Variants in KLHL7 observed in about 807,000 individuals in gnomAD.
KLHL7 encodes kelch like family member 7.
A neutral mutation model predicts 67.4 loss-of-function variants in KLHL7; 44 were observed. The observed-to-expected ratio is 0.65, with a 90% CI of 0.51 to 0.84. KLHL7 has a LOEUF of 0.84. Ranked by LOEUF, KLHL7 falls within the 40% of genes least tolerant of loss-of-function variation. The probability of loss-of-function intolerance (pLI) is 0.00; values close to 1 mark genes in which losing one functional copy is unlikely to be tolerated. For synonymous variants in KLHL7, 252 were observed against 243.3 expected (o/e 1.04, Z -0.33); for missense variants, 362 against 718.1 (o/e 0.50, Z 5.67).
In KLHL7 at chr7:23,165,610, TTA is replaced by T. The variant is rs1023450832; in HGVS notation, c.937-84_937-83del. The T allele has an allele frequency of 3.2e-5, 44 of 1,367,610 alleles. No individual in the cohort carries two copies. The African/African-American group carries it at 5.4e-4, about 17-fold the overall frequency. 84.7% of individuals were successfully genotyped at this position (1,367,610 alleles called of 1,614,324 possible). On this transcript the variant is annotated intron_variant, in intron 7 of 10. Transcript: ENST00000339077. ...TGTAGTCTAATAAATTAACATATTC[TTA>T]TATGTTTTTTGACTGTATCTTTGCA...
At chr7:23,146,917 T>C (rs1174338422) in intron 6 of KLHL7, among the ~76,000 whole-genome samples, 1 of 152,154 alleles carries the variant, frequency 6.6e-6, no homozygotes, top group Non-Finnish European at 1.5e-5. Context: ...TTCTACTTCA[T>C]TCTAATACCT....
At position 23,177,366 on chromosome 7, in the gene KLHL7, T is replaced by C. The variant is rs1785313639; in HGVS notation, c.*3068T>C. The C allele has an allele frequency of 6.6e-6, 1 of 152,216 alleles. No homozygotes were observed. The highest frequency in any genetic ancestry group is 6.5e-5 in the Admixed American group (1 of 15,288). 9.4% of individuals were successfully genotyped at this position (152,216 alleles called of 1,614,324 possible). On this transcript the variant is annotated 3_prime_UTR_variant, in exon 11 of 11. Transcript: ENST00000339077. ...AAGATATTTTAAGTACACCAGCATT[T>C]CCTTTTAGGCTATGTCAATTGACTA...
rs767577357 is a variant in KLHL7 at position 23,165,901 on chromosome 7, A to G, written c.1140A>G (p.Ala380=). The G allele has an allele frequency of 6.2e-7, 1 of 1,614,216 alleles. No individual in the cohort carries two copies. The highest frequency in any genetic ancestry group is 1.7e-5 in the Admixed American group (1 of 60,036). ...TPRDSLAACA[A]EGKIYTSGGS... ...GAGACAGCCTTGCTGCATGTGCTGC[A>G]GAAGGCAAAATTTATACATCTGGAG... Residue 380 remains alanine, a synonymous_variant, in exon 8 of 11, where the codon GCA becomes GCG. Coordinates refer to ENST00000339077, the MANE Select transcript of KLHL7 (RefSeq NM_001031710.3).
chr7:23,162,311 A>C (rs1392847133), intron 7 of KLHL7, among the ~76,000 whole-genome samples: 1 of 152,218 alleles, frequency 6.6e-6, no homozygotes, highest in African/African-American at 2.4e-5. Context: ...ATATTACCTT[A>C]TAGAGTTATT....
chr7:23,166,104 G>A (rs143223835), intron 8 of KLHL7, among the ~76,000 whole-genome samples, 166 bp downstream of exon 8: 10 of 152,190 alleles, frequency 6.6e-5, no homozygotes, highest in South Asian at 6.2e-4. Context: ...GGTTTATGTC[G>A]TTGCTTTACA....
intron 6 of KLHL7, 23 bp from the exon 7 acceptor site, chr7:23,152,044 C>G: frequency 6.2e-7 from 1 of 1,613,104 alleles, no homozygotes; most frequent in Non-Finnish European, 8.5e-7. Context: ...GTTCTTGAAG[C>G]GTTGCCATGT....
intron 6 of KLHL7, among the ~76,000 whole-genome samples, chr7:23,147,545 C>T (rs1471289974): frequency 2.0e-5 from 3 of 152,150 alleles, no homozygotes; most frequent in African/African-American, 7.2e-5. Context: ...GTTCTATTGA[C>T]TTATTTCTGG....
chr7:23,125,962 A>G (rs1368963774), intron 4 of KLHL7: 2 of 904,164 alleles, frequency 2.2e-6, no homozygotes, highest in East Asian at 2.6e-5. Context: ...TTTTTATGAT[A>G]CATACATGCC....
At chr7:23,112,061 G>A (rs1456145924) in intron 1 of KLHL7, among the ~76,000 whole-genome samples, 1 of 152,184 alleles carries the variant, frequency 6.6e-6, no homozygotes, top group African/African-American at 2.4e-5. Context: ...ATATGTGGTT[G>A]TGATAACTAA....
chr7:23,111,580 G>A (rs1782871720), intron 1 of KLHL7, among the ~76,000 whole-genome samples: 2 of 152,092 alleles, frequency 1.3e-5, no homozygotes, highest in Non-Finnish European at 2.9e-5. Context: ...CAGCACTTTG[G>A]GAGGCTGAGA....
chr7:23,131,209 T>A (rs1472422475), intron 4 of KLHL7, among the ~76,000 whole-genome samples: 1 of 152,204 alleles, frequency 6.6e-6, no homozygotes, highest in Non-Finnish European at 1.5e-5. Flanking sequence ...TCGACTGTCT[T>A]CCATGGCATA....
At chr7:23,121,285 C>A (rs1037189270) in intron 1 of KLHL7, among the ~76,000 whole-genome samples, 1 of 152,050 alleles carries the variant, frequency 6.6e-6, no homozygotes, top group East Asian at 1.9e-4. Flanking sequence ...GTGCATAGTG[C>A]TGCAGTAAAC....
chr7:23,124,416 A>G (rs1448022667), intron 2 of KLHL7, among the ~76,000 whole-genome samples: 2 of 131,978 alleles, frequency 1.5e-5, no homozygotes, highest in Non-Finnish European at 3.0e-5. Flanking sequence ...TGAGCTTGGG[A>G]AAAAAACAAA....
At chr7:23,160,000 A>G (rs1784814496) in intron 7 of KLHL7, among the ~76,000 whole-genome samples, 1 of 152,292 alleles carries the variant, frequency 6.6e-6, no homozygotes, top group Admixed American at 6.5e-5. Context: ...ATATTTAAAT[A>G]CAAAAATGCT....
intron 7 of KLHL7, among the ~76,000 whole-genome samples, chr7:23,159,448 T>G (rs1784800251): frequency 6.6e-6 from 1 of 152,154 alleles, no homozygotes. Flanking sequence ...GGGATAAAAG[T>G]ACCTGAACCA....
At chr7:23,149,080 C>T (rs1362066431) in intron 6 of KLHL7, among the ~76,000 whole-genome samples, 1 of 152,052 alleles carries the variant, frequency 6.6e-6, no homozygotes, top group South Asian at 2.1e-4. Context: ...TAACATAAAA[C>T]TAAGCTTAAA....
rs190877977 is a variant in KLHL7 at position 23,129,440 on chromosome 7, G to C, written c.442+4268G>C. On this transcript the variant is annotated intron_variant, in intron 4 of 10. Transcript: ENST00000339077. ...TGAAAAATCTCACCTAATATAGCTG[G>C]TTTTCCAAGGACACTGCCATAGGCA... is the stretch of plus-strand genomic sequence containing the variant. The C allele has an allele frequency of 1.9e-5, 7 of 372,644 alleles. No individual in the cohort carries two copies. The East Asian group carries it at 4.2e-4, about 22-fold the overall frequency. 23.1% of individuals were successfully genotyped at this position (372,644 alleles called of 1,614,324 possible).
At chr7:23,127,727 G>C (rs1321334908) in intron 4 of KLHL7, among the ~76,000 whole-genome samples, 2 of 151,952 alleles carry the variant, frequency 1.3e-5, no homozygotes, top group Non-Finnish European at 2.9e-5. Flanking sequence ...AATTAGCCGA[G>C]TGCAGGCGTG....
intron 4 of KLHL7, among the ~76,000 whole-genome samples, chr7:23,130,713 T>C (rs1231810874): frequency 2.0e-5 from 3 of 152,188 alleles, no homozygotes; most frequent in Admixed American, 2.0e-4. Flanking sequence ...TGTTTTAAGA[T>C]CTACTTGCCA....
Sources: allele counts gnomAD v4.1 joint callset (sites outside exome capture counted in the v4.1 genomes callset), GRCh38; gene constraint gnomAD v4.1.1; transcripts MANE v1.5; gene names NCBI Gene and HGNC (gene_info 2026-07-23, HGNC 2026-07-21).